DGKB: variants seen among roughly 807,000 people sequenced by gnomAD.
DGKB encodes diacylglycerol kinase beta.
DGKB carries 67 observed loss-of-function variants against 114.3 expected under a neutral mutation model. The observed-to-expected ratio is 0.59, with a 90% confidence interval of 0.48 to 0.72. The LOEUF (loss-of-function observed/expected upper bound fraction) is 0.72, where lower values mean the gene tolerates loss of function less well. DGKB is among the 30% of genes least tolerant of loss of function. The probability of loss-of-function intolerance (pLI) is 0.00; values close to 1 mark genes in which losing one functional copy is unlikely to be tolerated. For synonymous variants in DGKB, 398 were observed against 323.1 expected, an observed-to-expected ratio of 1.23 and a Z score of -2.49; for missense variants, 907 against 975.2, an observed-to-expected ratio of 0.93 and a Z score of 0.93.
intron 23 of DGKB, among the ~76,000 whole-genome samples, chr7:14,196,884 T>C (rs1785101270): frequency 6.6e-6 from 1 of 152,126 alleles, no homozygotes. Context: ...TTCATTGATG[T>C]TTTAAAAAGC....
chr7:14,517,571 A>T (rs1789033540), intron 20 of DGKB, among the ~76,000 whole-genome samples: 1 of 152,116 alleles, frequency 6.6e-6, no homozygotes, highest in Non-Finnish European at 1.5e-5. Context: ...ATCTGAAAAA[A>T]GTCTAATTTC....
chr7:14,696,324 T>A (rs1823880126), intron 8 of DGKB, among the ~76,000 whole-genome samples: 1 of 150,346 alleles, frequency 6.7e-6, no homozygotes, highest in East Asian at 2.0e-4. Context: ...AAACCCCGTC[T>A]CTACTAAAAA....
chr7:14,188,956 GAAGA>G (rs1202297394), intron 23 of DGKB, among the ~76,000 whole-genome samples: 1 of 151,956 alleles, frequency 6.6e-6, no homozygotes, highest in Non-Finnish European at 1.5e-5. Flanking sequence ...CAGAAATGAA[GAAGA>G]AATAAAAATT....
At chr7:14,540,580 CG>C (rs1433621552) in intron 20 of DGKB, among the ~76,000 whole-genome samples, 1 of 152,194 alleles carries the variant, frequency 6.6e-6, no homozygotes, top group East Asian at 1.9e-4. Context: ...GTTGCTAATT[CG>C]TTTATCTGAG....
intron 21 of DGKB, among the ~76,000 whole-genome samples, chr7:14,383,979 T>C (rs947546237): frequency 6.6e-6 from 1 of 152,214 alleles, no homozygotes; most frequent in Non-Finnish European, 1.5e-5. Flanking sequence ...AGGACCAAGA[T>C]TGACCATACT....
chr7:14,647,361 A>C (rs1218002262), intron 13 of DGKB, among the ~76,000 whole-genome samples: 2 of 152,278 alleles, frequency 1.3e-5, no homozygotes, highest in East Asian at 3.9e-4. Flanking sequence ...AACAACAACA[A>C]GGCCCAGGAC....
At chr7:14,958,613 A>G (rs1245304894) in intron 1 of DGKB, among the ~76,000 whole-genome samples, 1 of 152,068 alleles carries the variant, frequency 6.6e-6, no homozygotes, top group African/African-American at 2.4e-5. Context: ...CTTTTCTTAA[A>G]GTAACCAGTA....
At chr7:14,651,100 C>G (rs951139401) in intron 13 of DGKB, among the ~76,000 whole-genome samples, 15 of 152,070 alleles carry the variant, frequency 9.9e-5, no homozygotes, top group Non-Finnish European at 1.9e-4. Context: ...CCTTCTGAAA[C>G]TATTCCAATC....
At position 14,149,007 on chromosome 7, in the gene DGKB, ACTGTTAAACCACTT is replaced by A. The variant is rs1451604058; in HGVS notation, c.*110_*123del. 2.4e-6 allele frequency: 2 copies of A among 829,592 alleles called. No homozygotes were observed. Among genetic ancestry groups the A allele is most frequent in the African/African-American group, 3.4e-5 (2 of 58,078 alleles). The allele number at this position is 829,592 out of a possible 1,614,324, so 51.4% of individuals were successfully genotyped here. A position where few individuals can be genotyped will look rare whatever the true frequency, so the allele number is the denominator to read the frequency against. On this transcript the variant is annotated 3_prime_UTR_variant, in exon 26 of 26. Transcript: ENST00000402815. ...ATTTTACATTAGCTTAGTAACAAAA[ACTGTTAAACCACTT>A]CCATGATTTTGCATGAGCAGGAGAC...
intron 23 of DGKB, among the ~76,000 whole-genome samples, chr7:14,213,227 G>GTA (rs1009509278): frequency 6.6e-6 from 1 of 151,926 alleles, no homozygotes; most frequent in South Asian, 2.1e-4. Context: ...AAATACCACA[G>GTA]TATATATATC....
rs546167815 is a variant in DGKB at position 14,802,330 on chromosome 7, T to C, written c.70+38864A>G. Among the ~76,000 whole-genome samples the C allele has an allele frequency of 5.9e-5, 9 of 152,264 alleles. No homozygotes were observed. The South Asian group carries it at 1.4e-3, about 25-fold the overall frequency. On this transcript the variant is annotated intron_variant, in intron 2 of 25. Coordinates refer to ENST00000402815, the MANE Select transcript of DGKB (RefSeq NM_001350709.2). The stretch of plus-strand genomic sequence containing the variant: ...TTTCTTATTAATTTTACAAAAGCAA[T>C]CATTTTTCTGGAAATGTCCACTGCA...
At chr7:14,707,438 A>G (rs1826493118) in intron 6 of DGKB, among the ~76,000 whole-genome samples, 1 of 139,098 alleles carries the variant, frequency 7.2e-6, no homozygotes, top group African/African-American at 2.7e-5. Context: ...ATCAATAGAA[A>G]AAGAGGGAAT....
At chr7:14,844,773 T>A (rs1848408164) in intron 1 of DGKB, among the ~76,000 whole-genome samples, 1 of 152,072 alleles carries the variant, frequency 6.6e-6, no homozygotes, top group Admixed American at 6.6e-5. Context: ...ATAATTATCT[T>A]AATTATATCT....
chr7:14,929,967 A>G (rs1784924327), intron 1 of DGKB, among the ~76,000 whole-genome samples: 3 of 152,086 alleles, frequency 2.0e-5, no homozygotes, highest in Non-Finnish European at 4.4e-5. Flanking sequence ...AGCATCGTTT[A>G]TTGAAAACTG....
At chr7:14,450,827 T>C (rs1255689562) in intron 21 of DGKB, among the ~76,000 whole-genome samples, 1 of 151,818 alleles carries the variant, frequency 6.6e-6, no homozygotes, top group Non-Finnish European at 1.5e-5. Context: ...AAAAGCACCT[T>C]AGAATGACAA....
chr7:14,768,707 A>G (rs1273172489), intron 2 of DGKB, among the ~76,000 whole-genome samples: 35 of 152,042 alleles, frequency 2.3e-4, no homozygotes, highest in Admixed American at 2.3e-3. Flanking sequence ...CTACAATGTG[A>G]CAATCAATCT....
At chr7:14,785,641 A>G in intron 2 of DGKB, among the ~76,000 whole-genome samples, 1 of 152,226 alleles carries the variant, frequency 6.6e-6, no homozygotes, top group East Asian at 1.9e-4. Flanking sequence ...GAAAGCACAT[A>G]ACTGGAAAAG....
At chr7:14,913,766 C>T (rs939946593) in intron 1 of DGKB, among the ~76,000 whole-genome samples, 1 of 152,014 alleles carries the variant, frequency 6.6e-6, no homozygotes, top group African/African-American at 2.4e-5. Context: ...AGTTTCAACT[C>T]ACTCCAACAT....
At chr7:14,801,142 C>T (rs1250786942) in intron 2 of DGKB, among the ~76,000 whole-genome samples, 1 of 152,002 alleles carries the variant, frequency 6.6e-6, no homozygotes. Flanking sequence ...TGGCATAAGA[C>T]GTATTAATTC....
Sources: gnomAD v4.1 joint callset for allele counts (sites outside exome capture counted in the v4.1 genomes callset) on GRCh38, gnomAD v4.1.1 for gene constraint, MANE v1.5 for transcripts, NCBI Gene and HGNC (gene_info 2026-07-23, HGNC 2026-07-21) for gene names.